The following AMOTL1 variants were observed in gnomAD, a reference collection of about 807,000 sequenced individuals.
AMOTL1 encodes angiomotin like 1.
AMOTL1 carries 45 observed loss-of-function variants against 102.9 expected under a neutral mutation model. The observed-to-expected ratio is 0.44, with a 90% confidence interval of 0.34 to 0.56. AMOTL1 has a LOEUF of 0.56. AMOTL1 is among the 20% of genes least tolerant of loss of function. The pLI is 0.01. For synonymous variants in AMOTL1, 481 were observed against 484.7 expected (o/e 0.99, Z 0.10); for missense variants, 1,114 against 1,225.6 (o/e 0.91, Z 1.36).
intron 6 of AMOTL1, among the ~76,000 whole-genome samples, chr11:94,847,211 G>A (rs1952433152): frequency 6.6e-6 from 1 of 152,188 alleles, no homozygotes; most frequent in East Asian, 1.9e-4. Context: ...TAGGGAGCCT[G>A]GGCAGAGGAA....
chr11:94,802,096 T>C (rs544024294), intron 3 of AMOTL1, among the ~76,000 whole-genome samples: 1 of 152,210 alleles, frequency 6.6e-6, no homozygotes, highest in Admixed American at 6.5e-5. Context: ...GAATGCCAGC[T>C]CAGAAGCAGC....
chr11:94,865,190 G>GTTT (rs1430941980), intron 10 of AMOTL1, among the ~76,000 whole-genome samples: 14 of 152,130 alleles, frequency 9.2e-5, no homozygotes, highest in Non-Finnish European at 4.4e-5. Context: ...AGCTGAAAGG[G>GTTT]GGAAACATTA....
chr11:94,752,659 A>C (rs1950671308), intron 3 of AMOTL1, among the ~76,000 whole-genome samples: 1 of 152,240 alleles, frequency 6.6e-6, no homozygotes, highest in African/African-American at 2.4e-5. Context: ...AAGACTTATT[A>C]ACCTTTTCTC....
At chr11:94,820,511 T>C (rs1302949199) in intron 3 of AMOTL1, 1 of 152,372 alleles carries the variant, frequency 6.6e-6, no homozygotes, top group East Asian at 1.9e-4. Flanking sequence ...TGCGCTAGCT[T>C]AGCATCTCCA....
chr11:94,859,087 G>A lies in AMOTL1; in HGVS notation c.1945-438G>A, dbSNP rs192387064. ...TTCCATTTCCCCCACCAGCCTTAGC[G>A]GAAACAAACAACTGGAATCACTTTG... On this transcript the variant is annotated intron_variant, in intron 8 of 12. Transcript: ENST00000433060. Among the ~76,000 whole-genome samples, 323 of 152,226 alleles carry A rather than the reference G, an allele frequency of 2.1e-3. 1 individual carries two copies. Among genetic ancestry groups the A allele is most frequent in the Middle Eastern group, 0.014 (4 of 294 alleles).
rs981499687 is a variant in AMOTL1 at position 94,745,095 on chromosome 11, C to A, written c.136+4107C>A. On this transcript the variant is annotated intron_variant, in intron 3 of 4. Transcript: ENST00000299004. ...TTTTTATACTTTAAGTTCTAGGGTA[C>A]ATGTGCACAACATGCAGGTTTGTTA... 2.4e-4 allele frequency among the ~76,000 whole-genome samples: 36 copies of A among 151,948 alleles called. 1 individual carries two copies. The highest frequency in any genetic ancestry group is 2.3e-3 in the Admixed American group (35 of 15,242).
chr11:94,712,383 A>G (rs748629292), intron 1 of AMOTL1, among the ~76,000 whole-genome samples: 1 of 152,086 alleles, frequency 6.6e-6, no homozygotes, highest in Non-Finnish European at 1.5e-5. Context: ...TAAGACCTCA[A>G]ACTATAAAAA....
chr11:94,756,082 A>G (rs1434056817), intron 3 of AMOTL1, among the ~76,000 whole-genome samples: 1 of 149,930 alleles, frequency 6.7e-6, no homozygotes. Flanking sequence ...CAGCAGCCAG[A>G]CTCTCCTCTG....
intron 3 of AMOTL1, among the ~76,000 whole-genome samples, chr11:94,816,496 G>A (rs192010901): frequency 1.3e-5 from 2 of 152,112 alleles, no homozygotes; most frequent in South Asian, 2.1e-4. Flanking sequence ...CACTGCAGAA[G>A]ATCTTTTCTT....
intron 1 of AMOTL1, among the ~76,000 whole-genome samples, chr11:94,793,254 C>T (rs1458239533): frequency 6.6e-6 from 1 of 152,198 alleles, no homozygotes; most frequent in African/African-American, 2.4e-5. Context: ...TTGATCGAAG[C>T]ATATGGGCTC....
chr11:94,847,525 A>G (rs1952441854), intron 6 of AMOTL1, among the ~76,000 whole-genome samples: 3 of 152,248 alleles, frequency 2.0e-5, no homozygotes, highest in South Asian at 4.1e-4. Flanking sequence ...ATCGTCATCA[A>G]CAGCATCATT....
chr11:94,755,640 T>C (rs1322459399), intron 3 of AMOTL1, among the ~76,000 whole-genome samples: 1 of 152,156 alleles, frequency 6.6e-6, no homozygotes, highest in South Asian at 2.1e-4. Flanking sequence ...CATATCCCCG[T>C]CACAGGGCCT....
At chr11:94,795,842 T>A (rs987378239) in intron 2 of AMOTL1, among the ~76,000 whole-genome samples, 2 of 152,374 alleles carry the variant, frequency 1.3e-5, no homozygotes, top group Middle Eastern at 3.4e-3. Flanking sequence ...TAAAATGTTT[T>A]AAAATTTTTT....
intron 1 of AMOTL1, among the ~76,000 whole-genome samples, chr11:94,712,797 C>G (rs1950039786): frequency 6.6e-6 from 1 of 151,752 alleles, no homozygotes; most frequent in Non-Finnish European, 1.5e-5. Flanking sequence ...TTATTCTATC[C>G]TCTTGAAAAG....
intron 1 of AMOTL1, among the ~76,000 whole-genome samples, chr11:94,786,991 GAGATACAA>G (rs1232168602): frequency 6.6e-6 from 1 of 151,986 alleles, no homozygotes. Context: ...CTAGTAACTG[GAGATACAA>G]AGGTGAATAA....
intron 3 of AMOTL1, among the ~76,000 whole-genome samples, chr11:94,754,908 T>A (rs1950703235): frequency 6.6e-6 from 1 of 152,202 alleles, no homozygotes; most frequent in Admixed American, 6.5e-5. Flanking sequence ...ATAATTTGAA[T>A]TCAGATCCAA....
upstream of AMOTL1, among the ~76,000 whole-genome samples, chr11:94,767,513 C>A (rs2135508950): frequency 6.6e-6 from 1 of 152,262 alleles, no homozygotes; most frequent in East Asian, 1.9e-4. Context: ...TGCGCTAACT[C>A]TCCCACTAAC....
At chr11:94,822,784 C>T (rs1951890520) in intron 4 of AMOTL1, among the ~76,000 whole-genome samples, 1 of 152,122 alleles carries the variant, frequency 6.6e-6, no homozygotes, top group South Asian at 2.1e-4. Context: ...TTTCATTATG[C>T]CCCTCAGGTC....
rs1381754955 is a variant in AMOTL1 at position 94,799,728 on chromosome 11, C to A, written c.538C>A (p.Gln180Lys). Residue 180 changes from glutamine (Q) to lysine (K), a missense_variant, in exon 3 of 13, where the codon CAG (glutamine) becomes AAG (lysine). Coordinates refer to ENST00000433060, the MANE Select transcript of AMOTL1 (RefSeq NM_130847.3). This position sits in a 1 kb window ranked among gnomAD's most constrained non-coding sequence, Gnocchi z 4.5. ...TVMEKQVRST[Q>K]PQQNNEELPT... ...GATGGAGAAACAGGTCCGGTCCACG[C>A]AGCCTCAGCAGAACAACGAGGAACT... 6.2e-7 allele frequency: 1 copy of A among 1,613,194 alleles called. No homozygotes were observed.
Sources: allele counts gnomAD v4.1 joint callset (sites outside exome capture counted in the v4.1 genomes callset), GRCh38; gene constraint gnomAD v4.1.1; non-coding constraint Gnocchi (gnomAD v3.1); transcripts MANE v1.5; gene names NCBI Gene and HGNC (gene_info 2026-07-23, HGNC 2026-07-21).